The following CLYBL variants were observed in gnomAD, a reference collection of about 807,000 sequenced individuals.
The protein encoded by CLYBL is citramalyl-CoA lyase, mitochondrial.
Under a neutral mutation model 38.9 loss-of-function variants are expected in CLYBL, and 31 were observed. The observed-to-expected ratio is 0.80, with a 90% CI of 0.60 to 1.08. The LOEUF is 1.08. Ranked by LOEUF, CLYBL falls within the 50% of genes least tolerant of loss-of-function variation. CLYBL has a pLI of 0.00. For missense variants in CLYBL, 434 were observed against 411.6 expected, an observed-to-expected ratio of 1.05 and a Z score of -0.47; for synonymous variants, 171 against 158.6, an observed-to-expected ratio of 1.08 and a Z score of -0.59.
intron 1 of CLYBL, among the ~76,000 whole-genome samples, chr13:99,753,373 G>T (rs2048992557): frequency 6.6e-6 from 1 of 152,132 alleles, no homozygotes; most frequent in South Asian, 2.1e-4. Context: ...GACTGGAGAG[G>T]GACAGAGGCC....
intron 1 of CLYBL, among the ~76,000 whole-genome samples, chr13:99,627,548 T>A (rs1212239080): frequency 6.6e-6 from 1 of 152,196 alleles, no homozygotes; most frequent in African/African-American, 2.4e-5. Flanking sequence ...TTTTGAAGTC[T>A]TTTTTATGTA....
intron 7 of CLYBL, among the ~76,000 whole-genome samples, chr13:99,890,611 G>A (rs112342918): frequency 0.039 from 5,911 of 152,158 alleles, 184 homozygotes; most frequent in Middle Eastern, 0.099. Context: ...GAGTACAGGC[G>A]TGCACCACTA....
At chr13:99,702,353 G>A (rs541757149) in intron 1 of CLYBL, among the ~76,000 whole-genome samples, 16 of 152,170 alleles carry the variant, frequency 1.1e-4, no homozygotes, top group South Asian at 1.0e-3. Flanking sequence ...GCTCACAGCC[G>A]GGCGCGGTGG....
chr13:99,628,659 G>C (rs1175196998), intron 1 of CLYBL, among the ~76,000 whole-genome samples: 1 of 152,228 alleles, frequency 6.6e-6, no homozygotes, highest in Admixed American at 6.5e-5. Context: ...CCTGCAGGAA[G>C]GCAGAACAGG....
At chr13:99,761,154 C>G (rs1418110803) in intron 1 of CLYBL, among the ~76,000 whole-genome samples, 5 of 152,122 alleles carry the variant, frequency 3.3e-5, no homozygotes, top group Non-Finnish European at 7.3e-5. Flanking sequence ...GAGATCAAGA[C>G]CATCCTGGCT....
At chr13:99,730,345 G>T (rs2048565817) in intron 1 of CLYBL, among the ~76,000 whole-genome samples, 1 of 152,222 alleles carries the variant, frequency 6.6e-6, no homozygotes, top group African/African-American at 2.4e-5. Flanking sequence ...GACCTGTCAG[G>T]CCCAGGGGAG....
intron 1 of CLYBL, among the ~76,000 whole-genome samples, chr13:99,728,121 C>T (rs1357860167): frequency 6.6e-6 from 1 of 152,102 alleles, no homozygotes; most frequent in Non-Finnish European, 1.5e-5. Context: ...TTACAGATCC[C>T]ATTATATTTC....
At chr13:99,877,863 C>T (rs963935386) in intron 7 of CLYBL, among the ~76,000 whole-genome samples, 4 of 152,062 alleles carry the variant, frequency 2.6e-5, no homozygotes, top group East Asian at 1.9e-4. Context: ...TAAGCCACCG[C>T]GCCCAGCCCA....
In CLYBL at chr13:99,822,557, G is replaced by A. The variant is rs191623898; in HGVS notation, c.250-36304G>A. On this transcript the variant is annotated intron_variant, in intron 2 of 8. Transcript: ENST00000339105. ...ACGGGTCACCCCAGCAGACCTTAGCGAGTCTAGCCATTTCTTTGGTGGTGG... is the reference window on the plus strand; with the variant it reads ...ACGGGTCACCCCAGCAGACCTTAGCAAGTCTAGCCATTTCTTTGGTGGTGG... Among the ~76,000 whole-genome samples, 72 of 152,284 alleles carry A rather than the reference G, an allele frequency of 4.7e-4. 1 individual carries two copies. In the East Asian group the frequency reaches 8.9e-3, roughly 19 times the overall value.
chr13:99,796,125 G>A (rs1594188454), intron 2 of CLYBL, among the ~76,000 whole-genome samples: 1 of 152,194 alleles, frequency 6.6e-6, no homozygotes, highest in South Asian at 2.1e-4. Flanking sequence ...AAGAGGATTA[G>A]GAAGAACAGA....
At chr13:99,858,824 T>C (rs766337309) in intron 2 of CLYBL, 37 bp from the exon 3 acceptor site, 1 of 1,498,074 alleles carries the variant, frequency 6.7e-7, no homozygotes, top group East Asian at 2.3e-5. Flanking sequence ...CCCTCAATGA[T>C]AAAAATAAAC....
rs754690042 is a variant in CLYBL at position 99,705,931 on chromosome 13, T to C, written c.63-66893T>C. On this transcript the variant is annotated intron_variant, in intron 1 of 8. Transcript: ENST00000339105. ...GTATATTTTGCCCCAATTTTTTTTT[T>C]TGTTTTTTTTTGTTTTAAAGACAGA... Among the ~76,000 whole-genome samples, 10 of 152,016 alleles carry C rather than the reference T, an allele frequency of 6.6e-5. No individual in the cohort carries two copies. The South Asian group carries it at 1.2e-3, about 19-fold the overall frequency.
At chr13:99,854,498 C>T (rs1054926970) in intron 2 of CLYBL, among the ~76,000 whole-genome samples, 1 of 151,502 alleles carries the variant, frequency 6.6e-6, no homozygotes, top group Non-Finnish European at 1.5e-5. Flanking sequence ...GCTGAGCTGC[C>T]GCCACGGAGC....
intron 1 of CLYBL, among the ~76,000 whole-genome samples, chr13:99,651,576 G>A (rs1195321188): frequency 4.0e-5 from 6 of 151,594 alleles, no homozygotes; most frequent in African/African-American, 9.7e-5. Context: ...TCTCAAAAAA[G>A]AATTGAATAA....
chr13:99,804,202 G>C (rs1272346717), intron 2 of CLYBL, among the ~76,000 whole-genome samples: 1 of 152,222 alleles, frequency 6.6e-6, no homozygotes, highest in African/African-American at 2.4e-5. Flanking sequence ...CAACAAAGCA[G>C]CTCCCCTTCC....
intron 7 of CLYBL, among the ~76,000 whole-genome samples, chr13:99,883,010 T>C (rs2052253691): frequency 6.6e-6 from 1 of 152,030 alleles, no homozygotes; most frequent in Non-Finnish European, 1.5e-5. Flanking sequence ...TCCCCATCGT[T>C]GGATCCTCGG....
intron 1 of CLYBL, among the ~76,000 whole-genome samples, chr13:99,649,375 TG>T: frequency 6.6e-6 from 1 of 152,356 alleles, no homozygotes; most frequent in East Asian, 1.9e-4. Context: ...TTTCATATAC[TG>T]GTGCAGGTGC....
intron 2 of CLYBL, among the ~76,000 whole-genome samples, chr13:99,827,847 G>A (rs1018483816): frequency 3.9e-5 from 6 of 152,216 alleles, no homozygotes; most frequent in South Asian, 2.1e-4. Flanking sequence ...GTGCCTACCC[G>A]CCAAGGCTCA....
chr13:99,854,772 G>A (rs1000022782), intron 2 of CLYBL, among the ~76,000 whole-genome samples: 13 of 152,170 alleles, frequency 8.5e-5, no homozygotes, highest in Admixed American at 3.9e-4. Context: ...TGATTTCTCC[G>A]CTTTCTTACG....
Sources: allele counts gnomAD v4.1 joint callset (sites outside exome capture counted in the v4.1 genomes callset), GRCh38; gene constraint gnomAD v4.1.1; transcripts MANE v1.5; gene names NCBI Gene and HGNC (gene_info 2026-07-23, HGNC 2026-07-21).